The following KPNA3 variants were observed in gnomAD, a reference collection of about 807,000 sequenced individuals.
KPNA3 encodes the protein karyopherin subunit alpha 3, also known as importin subunit alpha-4.
A neutral mutation model predicts 73.8 loss-of-function variants in KPNA3; 13 were observed. The ratio of observed to expected loss-of-function variants is 0.18; its 90% confidence interval spans 0.11 to 0.28. KPNA3 has a LOEUF of 0.28. Ranked by LOEUF, KPNA3 falls within the 10% of genes least tolerant of loss-of-function variation. KPNA3 has a pLI of 1.00. For missense variants in KPNA3, 360 were observed against 618.1 expected, an observed-to-expected ratio of 0.58 and a Z score of 4.43; for synonymous variants, 186 against 206.9, an observed-to-expected ratio of 0.90 and a Z score of 0.87.
intron 1 of KPNA3, among the ~76,000 whole-genome samples, chr13:49,785,687 C>T (rs910198761): frequency 1.3e-5 from 2 of 151,722 alleles, no homozygotes; most frequent in Non-Finnish European, 2.9e-5. Context: ...GAAGACTTAC[C>T]AAAGCTGACT....
chr13:49,772,057 G>C (rs946592323), intron 1 of KPNA3, among the ~76,000 whole-genome samples: 10 of 152,098 alleles, frequency 6.6e-5, no homozygotes, highest in African/African-American at 2.4e-4. Context: ...TCATTTATTA[G>C]CTCTAATAGT....
At chr13:49,737,550 AGTGTGTGTGTCTGTGTGTGTGT>A (rs1338367236) in intron 2 of KPNA3, among the ~76,000 whole-genome samples, 2 of 124,522 alleles carry the variant, frequency 1.6e-5, no homozygotes, top group African/African-American at 3.2e-5. Context: ...CTTACTATTA[AGTGTGTGTGTCTGTGTGTGTGT>A]GTGTGTGTGT....
chr13:49,734,855 A>G (rs1386476305), intron 2 of KPNA3, among the ~76,000 whole-genome samples: 1 of 151,838 alleles, frequency 6.6e-6, no homozygotes, highest in Non-Finnish European at 1.5e-5. Flanking sequence ...CACAATGATT[A>G]TATCTTTGAT....
intron 1 of KPNA3, 58 bp downstream of exon 1, chr13:49,792,380 T>C: frequency 3.8e-6 from 5 of 1,314,416 alleles, no homozygotes; most frequent in Non-Finnish European, 5.1e-6. Flanking sequence ...CCCCCGCCCC[T>C]CCCCGCGTCG....
At chr13:49,772,337 A>C (rs1212455684) in intron 1 of KPNA3, among the ~76,000 whole-genome samples, 2 of 152,242 alleles carry the variant, frequency 1.3e-5, no homozygotes, top group African/African-American at 4.8e-5. Flanking sequence ...AGAGAATGTG[A>C]AGAATGCAAA....
chr13:49,716,447 AT>A (rs533061657), intron 10 of KPNA3, among the ~76,000 whole-genome samples: 43 of 151,048 alleles, frequency 2.8e-4, no homozygotes, highest in African/African-American at 8.7e-4. Flanking sequence ...TTATTTAATT[AT>A]TTTTTTTTAA....
chr13:49,758,778 A>AC (rs1247440998), intron 1 of KPNA3, among the ~76,000 whole-genome samples: 1 of 152,152 alleles, frequency 6.6e-6, no homozygotes, highest in Non-Finnish European at 1.5e-5. Flanking sequence ...GTTTATATAC[A>AC]TACACACACA....
intron 10 of KPNA3, among the ~76,000 whole-genome samples, chr13:49,712,580 C>T (rs1245681900): frequency 6.6e-6 from 1 of 151,404 alleles, no homozygotes; most frequent in East Asian, 1.9e-4. Flanking sequence ...TCTTCAGAGA[C>T]CCTACAAGGA....
At chr13:49,730,933 C>G (rs567161410) in intron 6 of KPNA3, among the ~76,000 whole-genome samples, 1 of 150,026 alleles carries the variant, frequency 6.7e-6, no homozygotes, top group Non-Finnish European at 1.5e-5. Flanking sequence ...CCTGCCACCA[C>G]GCCCGGCTGA....
intron 6 of KPNA3, among the ~76,000 whole-genome samples, chr13:49,727,044 C>T (rs1351757875): frequency 2.0e-5 from 3 of 151,972 alleles, no homozygotes; most frequent in South Asian, 2.1e-4. Context: ...AAGTGGAATA[C>T]CAAGGATTGG....
At chr13:49,743,692 CAGG>C (rs1236816979) in intron 2 of KPNA3, among the ~76,000 whole-genome samples, 2 of 151,248 alleles carry the variant, frequency 1.3e-5, no homozygotes, top group Non-Finnish European at 2.9e-5. Flanking sequence ...AGCACAACAA[CAGG>C]AGGAGGATCA....
intron 1 of KPNA3, among the ~76,000 whole-genome samples, chr13:49,790,408 A>C (rs1357664938): frequency 1.3e-5 from 2 of 152,228 alleles, no homozygotes; most frequent in Non-Finnish European, 2.9e-5. Context: ...TTGAGCTTGC[A>C]GCTGAGCTAT....
chr13:49,776,691 T>C (rs1022884742), intron 1 of KPNA3, among the ~76,000 whole-genome samples: 2 of 152,214 alleles, frequency 1.3e-5, no homozygotes, highest in Non-Finnish European at 2.9e-5. Flanking sequence ...ACAAGGATCA[T>C]TCCCAAAATA....
chr13:49,758,714 GTATA>G (rs1954732699), intron 1 of KPNA3, among the ~76,000 whole-genome samples: 1 of 151,584 alleles, frequency 6.6e-6, no homozygotes, highest in African/African-American at 2.4e-5. Flanking sequence ...GTGTATGTAT[GTATA>G]TAAATATGCA....
intron 1 of KPNA3, among the ~76,000 whole-genome samples, chr13:49,784,099 A>G (rs1182412179): frequency 1.3e-5 from 2 of 152,178 alleles, no homozygotes; most frequent in East Asian, 1.9e-4. Flanking sequence ...CAAAAAGTAA[A>G]TAAGCTGGAC....
intron 1 of KPNA3, among the ~76,000 whole-genome samples, chr13:49,774,258 T>C (rs1488115485): frequency 6.6e-6 from 1 of 152,088 alleles, no homozygotes; most frequent in East Asian, 1.9e-4. Context: ...TCCACTTCAA[T>C]AAATTAATGG....
intron 15 of KPNA3, among the ~76,000 whole-genome samples, chr13:49,704,680 C>T (rs1028459186): frequency 6.6e-6 from 1 of 151,936 alleles, no homozygotes; most frequent in African/African-American, 2.4e-5. Flanking sequence ...CATTTAAAAA[C>T]AGAATTTTAA....
chr13:49,750,934 A>G (rs2897770), intron 1 of KPNA3, among the ~76,000 whole-genome samples: 131,185 of 152,142 alleles, frequency 0.86, 56,711 homozygotes, highest in East Asian at 1. Context: ...GGAGGTTGCC[A>G]TGAGCCACGA....
chr13:49,770,317 A>C (rs1434188989), intron 1 of KPNA3, among the ~76,000 whole-genome samples: 2 of 151,214 alleles, frequency 1.3e-5, no homozygotes, highest in Non-Finnish European at 2.9e-5. Flanking sequence ...CTTGGACTAC[A>C]GATGTGCACC....
Sources: allele counts gnomAD v4.1 joint callset (sites outside exome capture counted in the v4.1 genomes callset), GRCh38; gene constraint gnomAD v4.1.1; transcripts MANE v1.5; gene names NCBI Gene and HGNC (gene_info 2026-07-23, HGNC 2026-07-21).